SLC71A2: variants seen among roughly 807,000 people sequenced by gnomAD.
SLC71A2 encodes hippocampus abundant transcript-like 1.
chr9:94,401,505 G>A, the SLC71A2 span, among the ~76,000 whole-genome samples: 2 of 151,838 alleles, frequency 1.3e-5, no homozygotes, highest in East Asian at 1.9e-4. Flanking sequence ...TTTGCCATCT[G>A]TATATCATCT....
At chr9:94,389,643 G>A in the SLC71A2 span, among the ~76,000 whole-genome samples, 4 of 151,380 alleles carry the variant, frequency 2.6e-5, no homozygotes, top group African/African-American at 7.3e-5. Context: ...GTCTTGCCCT[G>A]TTGCCCAGGC....
At chr9:94,377,479 C>G in the SLC71A2 span, among the ~76,000 whole-genome samples, 6 of 147,814 alleles carry the variant, frequency 4.1e-5, no homozygotes, top group African/African-American at 1.5e-4. Flanking sequence ...AAGCAGTCCT[C>G]TCACCTCAGC....
chr9:94,452,458 G>A, the SLC71A2 span, among the ~76,000 whole-genome samples: 1 of 151,926 alleles, frequency 6.6e-6, no homozygotes, highest in African/African-American at 2.4e-5. Context: ...TCAGCTGGGT[G>A]TGGTGGCATG....
chr9:94,401,584 C>CT, the SLC71A2 span, among the ~76,000 whole-genome samples: 1 of 151,974 alleles, frequency 6.6e-6, no homozygotes, highest in Non-Finnish European at 1.5e-5. Flanking sequence ...TTTATTACCT[C>CT]ATTTAACAAG....
the SLC71A2 span, among the ~76,000 whole-genome samples, chr9:94,411,779 T>G: frequency 2.6e-5 from 4 of 151,934 alleles, no homozygotes; most frequent in Non-Finnish European, 5.9e-5. Flanking sequence ...TTAGTAGAGA[T>G]GGGGTTTCAC....
At chr9:94,441,468 G>C in the SLC71A2 span, among the ~76,000 whole-genome samples, 1 of 152,180 alleles carries the variant, frequency 6.6e-6, no homozygotes, top group African/African-American at 2.4e-5. Context: ...AAGGAAGGTG[G>C]TGCTAAGCCA....
the SLC71A2 span, among the ~76,000 whole-genome samples, chr9:94,404,750 A>ATCACAAATCTCT: frequency 6.6e-6 from 1 of 152,084 alleles, no homozygotes; most frequent in Non-Finnish European, 1.5e-5. Context: ...CTCTTATCAG[A>ATCACAAATCTCT]TATGTGATTT....
At chr9:94,405,453 C>T in the SLC71A2 span, among the ~76,000 whole-genome samples, 7 of 148,030 alleles carry the variant, frequency 4.7e-5, no homozygotes, top group Non-Finnish European at 7.4e-5. Context: ...GAGCGGAAAT[C>T]GTGCCACTGC....
chr9:94,414,918 A>G, the SLC71A2 span, among the ~76,000 whole-genome samples: 1 of 152,146 alleles, frequency 6.6e-6, no homozygotes, highest in African/African-American at 2.4e-5. Flanking sequence ...TTGGCCTCCC[A>G]AAGTGCTGAG....
At chr9:94,374,586 G>A in the SLC71A2 span, 1 of 152,894 alleles carries the variant, frequency 6.5e-6, no homozygotes, top group Non-Finnish European at 1.5e-5. Context: ...GCGAGAGTCG[G>A]GGTCGGTGCG....
chr9:94,456,797 T>G, the SLC71A2 span, among the ~76,000 whole-genome samples: 1 of 152,326 alleles, frequency 6.6e-6, no homozygotes, highest in Middle Eastern at 3.4e-3. Flanking sequence ...TCTGTGTGGT[T>G]GTTGATAGAT....
At chr9:94,399,216 A>C in the SLC71A2 span, among the ~76,000 whole-genome samples, 2 of 152,120 alleles carry the variant, frequency 1.3e-5, no homozygotes, top group East Asian at 3.9e-4. Flanking sequence ...CCATGCTTAT[A>C]TTCTGGGATT....
the SLC71A2 span, chr9:94,429,189 G>C: frequency 1.2e-6 from 2 of 1,603,154 alleles, no homozygotes; most frequent in Non-Finnish European, 1.7e-6. Flanking sequence ...CTTTTTGTAG[G>C]TTCTACATGA....
the SLC71A2 span, among the ~76,000 whole-genome samples, chr9:94,377,219 G>A: frequency 6.6e-6 from 1 of 151,648 alleles, no homozygotes; most frequent in Non-Finnish European, 1.5e-5. Flanking sequence ...GTCACCTCCG[G>A]GTGCTGTGTC....
chr9:94,384,540 A>G, the SLC71A2 span, among the ~76,000 whole-genome samples: 2 of 151,956 alleles, frequency 1.3e-5, no homozygotes, highest in African/African-American at 4.8e-5. Flanking sequence ...CAGTTTTGTC[A>G]TGTTACCCAG....
chr9:94,454,367 A>T, the SLC71A2 span, among the ~76,000 whole-genome samples: 1 of 151,858 alleles, frequency 6.6e-6, no homozygotes, highest in Non-Finnish European at 1.5e-5. Context: ...AGCATATGCC[A>T]ATTTTTTTTT....
the SLC71A2 span, among the ~76,000 whole-genome samples, chr9:94,416,497 G>A: frequency 2.6e-5 from 4 of 152,156 alleles, no homozygotes; most frequent in African/African-American, 7.2e-5. Flanking sequence ...CTGTTAGCCC[G>A]TTAGCCTTAC....
the SLC71A2 span, among the ~76,000 whole-genome samples, chr9:94,395,803 T>G: frequency 6.6e-6 from 1 of 152,150 alleles, no homozygotes; most frequent in Non-Finnish European, 1.5e-5. Flanking sequence ...CCTAGTGAGC[T>G]CTCTGGCCTG....
the SLC71A2 span, among the ~76,000 whole-genome samples, chr9:94,391,668 G>T: frequency 6.7e-6 from 1 of 149,166 alleles, no homozygotes; most frequent in Non-Finnish European, 1.5e-5. Context: ...CGGGCGGATT[G>T]CCTCTGTTCA....
Sources: allele counts gnomAD v4.1 joint callset (sites outside exome capture counted in the v4.1 genomes callset), GRCh38; gene constraint gnomAD v4.1.1; transcripts MANE v1.5; gene names NCBI Gene and HGNC (gene_info 2026-07-23, HGNC 2026-07-21).